ADCY4: variants seen among roughly 807,000 people sequenced by gnomAD.
ADCY4 encodes adenylate cyclase type 4.
A neutral mutation model predicts 125.5 loss-of-function variants in ADCY4; 111 were observed. The observed-to-expected ratio is 0.88, with a 90% confidence interval of 0.76 to 1.04. ADCY4 has a LOEUF of 1.04. Among genes scored for constraint, ADCY4 ranks in the 50% least tolerant of loss-of-function variants. The pLI, the probability that ADCY4 is intolerant of heterozygous loss-of-function variation, is 0.00. For synonymous variants in ADCY4, 576 were observed against 586.9 expected (o/e 0.98, Z 0.27); for missense variants, 1,256 against 1,382.9 (o/e 0.91, Z 1.46).
intron 10 of ADCY4, chr14:24,328,561 G>A (rs1475683913): frequency 6.3e-6 from 1 of 157,608 alleles, no homozygotes; most frequent in Non-Finnish European, 1.4e-5. Context: ...CCTGTCCAGT[G>A]GATATGTGAC....
chr14:24,318,581 G>A lies in ADCY4; in HGVS notation c.3082-13C>T, dbSNP rs1274581182. ...TCTCCTCAGTCACCTACAATTGGAG[G>A]GGGGCGAGGGAATATGGAGGTGGCC... On this transcript the variant is annotated splice_polypyrimidine_tract_variant and intron_variant, in intron 24 of 24. Transcript: ENST00000418030. 3.1e-6 allele frequency: 5 copies of A among 1,613,996 alleles called. No homozygotes were observed. The African/African-American group carries it at 5.3e-5, about 17-fold the overall frequency.
Position 24,329,481 on chromosome 14 carries a change from C to G in ADCY4, c.1270G>C (p.Val424Leu), listed in dbSNP as rs781415110. Reference sequence around the variant, plus strand: ...CGATGCTCCATGCCTGCGTCCTCCACAGCATAAGCCCCTGCCAGCAGGGCC... The same window carrying G: ...CGATGCTCCATGCCTGCGTCCTCCAGAGCATAAGCCCCTGCCAGCAGGGCC... ...TLALLAGAYA[V>L]EDAGMEHRDP... Residue 424 changes from valine to leucine, a missense_variant, in exon 9 of 25, where the codon GTG becomes CTG. Val to Leu is a conservative substitution (Grantham distance 32). Coordinates refer to ENST00000418030, the MANE Select transcript of ADCY4 (RefSeq NM_001198568.2). The G allele has an allele frequency of 6.4e-7, 1 of 1,573,640 alleles. No individual in the cohort carries two copies. Among genetic ancestry groups the G allele is most frequent in the South Asian group, 1.2e-5 (1 of 84,880 alleles).
chr14:24,324,233 G>A, intron 15 of ADCY4, 34 bp from the exon 16 acceptor site: 1 of 1,614,100 alleles, frequency 6.2e-7, no homozygotes, highest in South Asian at 1.1e-5. Context: ...TAGCCACGGG[G>A]CTGGGGCACC....
Position 24,331,214 on chromosome 14 carries a change from C to T in ADCY4, c.812G>A (p.Gly271Glu). 6.2e-7 allele frequency: 1 copy of T among 1,614,216 alleles called. No individual in the cohort carries two copies. Among genetic ancestry groups the T allele is most frequent in the Non-Finnish European group, 8.5e-7 (1 of 1,180,038 alleles). Residue 271 changes from glycine to glutamate, a missense_variant, in exon 5 of 25, where the codon GGA (glycine) becomes GAA (glutamate). Coordinates refer to ENST00000418030, the MANE Select transcript of ADCY4 (RefSeq NM_001198568.2). Reference protein sequence around the residue: ...FHSLYVKRHQGVSVLYADIVG... With the variant: ...FHSLYVKRHQEVSVLYADIVG... ...CAGCCATTCTTCCTCATACCTGACT[C>T]CCTGGTGCCTCTTGACATAGAGGCT...
intron 20 of ADCY4, among the ~76,000 whole-genome samples, chr14:24,321,068 G>T (rs56828007): frequency 0.034 from 5,131 of 149,398 alleles, 283 homozygotes; most frequent in African/African-American, 0.12. Flanking sequence ...TAGTTATTAG[G>T]TTGGTGCAAA....
chr14:24,323,131 G>A (rs1342639256), intron 17 of ADCY4, 43 bp from the exon 18 acceptor site: 2 of 1,597,086 alleles, frequency 1.3e-6, no homozygotes, highest in East Asian at 4.5e-5. Context: ...TGTCCCATAG[G>A]CAGAGGGGGG....
chr14:24,334,724 C>G lies in ADCY4; in HGVS notation c.-72G>C. 7.8e-7 allele frequency: 1 copy of G among 1,280,266 alleles called. No individual in the cohort carries two copies. Among genetic ancestry groups the G allele is most frequent in the Non-Finnish European group, 1.0e-6 (1 of 958,140 alleles). The allele number at this position is 1,280,266 out of a possible 1,614,324, so 79.3% of individuals were successfully genotyped here. A position where few individuals can be genotyped will look rare whatever the true frequency, so the allele number is the denominator to read the frequency against. ...GGTTACCTCCTTCGGCCCGGCGGGCCCCACCTGAGCTTTTCTCACCCGCTC... is the reference window on the plus strand; with the variant it reads ...GGTTACCTCCTTCGGCCCGGCGGGCGCCACCTGAGCTTTTCTCACCCGCTC... On this transcript the variant is annotated 5_prime_UTR_variant, in exon 1 of 25. Coordinates refer to ENST00000418030, the MANE Select transcript of ADCY4 (RefSeq NM_001198568.2).
chr14:24,330,004 G>A lies in ADCY4; in HGVS notation c.1073C>T (p.Ala358Val), dbSNP rs756187139. The A allele has an allele frequency of 1.2e-6, 2 of 1,613,728 alleles. No homozygotes were observed. Among genetic ancestry groups the A allele is most frequent in the Admixed American group, 1.7e-5 (1 of 60,022 alleles). The change falls in exon 8 of 25, where the codon GCC becomes GTC. Residue 358 changes from alanine to valine, a missense_variant. Coordinates refer to ENST00000418030, the MANE Select transcript of ADCY4 (RefSeq NM_001198568.2). ...ACGCATGTTGATGTCCACGCCAGTGGCTGCCCGCAGTTTCCTGAGCAGTGT... is the reference window on the plus strand; with the variant it reads ...ACGCATGTTGATGTCCACGCCAGTGACTGCCCGCAGTTTCCTGAGCAGTGT... The part of the protein sequence containing the change: ...MCRAIRKLRA[A>V]TGVDINMRVG...
chr14:24,325,743 C>T, intron 13 of ADCY4, 75 bp downstream of exon 13: 4 of 1,518,782 alleles, frequency 2.6e-6, no homozygotes, highest in Non-Finnish European at 3.6e-6. Context: ...GGAGGAGACC[C>T]AAGGGCTGAC....
rs199898653 is a variant in ADCY4 at position 24,321,248 on chromosome 14, TAAA to T, written c.2586+815_2586+817del. On this transcript the variant is annotated intron_variant, in intron 20 of 24. Coordinates refer to ENST00000418030, the MANE Select transcript of ADCY4 (RefSeq NM_001198568.2). ...CAACATGGTGAAACCCTGTCTCTACTAAAAAAAAAAAATATAAAAAAAATTAGC... is the reference window on the plus strand; with the variant it reads ...CAACATGGTGAAACCCTGTCTCTACTAAAAAAAAATATAAAAAAAATTAGC... 3.9e-4 allele frequency among the ~76,000 whole-genome samples: 26 copies of T among 66,238 alleles called. 1 individual carries two copies. Among genetic ancestry groups the T allele is most frequent in the African/African-American group, 1.1e-3 (24 of 22,516 alleles). 43.5% of individuals were successfully genotyped at this position (66,238 alleles called of 152,430 possible).
Position 24,326,112 on chromosome 14 carries a change from A to C in ADCY4, c.1622T>G (p.Phe541Cys). 1.3e-6 allele frequency: 2 copies of C among 1,587,792 alleles called. No individual in the cohort carries two copies. Among genetic ancestry groups the C allele is most frequent in the Non-Finnish European group, 1.7e-6 (2 of 1,164,772 alleles). Reference protein sequence around the residue: ...DDELDTGDAKFFQVIEQLNSQ... With the variant: ...DDELDTGDAKCFQVIEQLNSQ... ...GTTGAGCTGCTCAATGACCTGGAAG[A>C]ACTTGGCATCCCCGGTGTCCAGTTC... The change falls in exon 12 of 25, where the codon TTC becomes TGC. Residue 541 changes from phenylalanine to cysteine, a missense_variant. Transcript: ENST00000418030.
At chr14:24,324,223 T>C (rs2041902730) in intron 15 of ADCY4, 24 bp from the exon 16 acceptor site, 2 of 1,614,016 alleles carry the variant, frequency 1.2e-6, no homozygotes, top group Non-Finnish European at 1.7e-6. Context: ...ATGGGCATCT[T>C]AGCCACGGGG....
Position 24,329,080 on chromosome 14 carries a change from G to T in ADCY4, c.1505C>A (p.Ser502Tyr), listed in dbSNP as rs982772426. The change falls in exon 10 of 25, where the codon TCC becomes TAC. Residue 502 changes from serine to tyrosine, a missense_variant. Transcript: ENST00000418030. ...AHLSHGDSPV[S>Y]TSTPLPEKTL... is the part of the protein sequence containing the mutation. ...ACATACCGGGAGAGGGGTGGAGGTGGACACAGGGCTGTCTCCGTGGCTCAG... is the reference window on the plus strand; with the variant it reads ...ACATACCGGGAGAGGGGTGGAGGTGTACACAGGGCTGTCTCCGTGGCTCAG... 1.2e-6 allele frequency: 2 copies of T among 1,613,628 alleles called. No individual in the cohort carries two copies. The highest frequency in any genetic ancestry group is 2.7e-5 in the African/African-American group (2 of 74,888).
Position 24,322,673 on chromosome 14 carries a change from G to T in ADCY4, c.2378C>A (p.Ala793Asp). The T allele has an allele frequency of 6.2e-7, 1 of 1,614,132 alleles. No homozygotes were observed. The highest frequency in any genetic ancestry group is 1.3e-5 in the African/African-American group (1 of 75,034). Reference sequence around the variant, plus strand: ...GAAGAAGAAGATGAAGAAGGAGATAGCACCCATCAGTTTGGGCTCCTTCAG... The same window carrying T: ...GAAGAAGAAGATGAAGAAGGAGATATCACCCATCAGTTTGGGCTCCTTCAG... Reference protein sequence around the residue: ...GVLKEPKLMGAISFFIFFFTL... With the variant: ...GVLKEPKLMGDISFFIFFFTL... The change falls in exon 19 of 25, where the codon GCT (alanine) becomes GAT (aspartate). Residue 793 changes from alanine to aspartate, a missense_variant. Ala to Asp is a moderately radical substitution (Grantham distance 126). Transcript: ENST00000418030.
intron 4 of ADCY4, 179 bp downstream of exon 4, chr14:24,331,609 G>T: frequency 9.4e-7 from 1 of 1,063,610 alleles, no homozygotes; most frequent in Non-Finnish European, 1.3e-6. Flanking sequence ...CTTTTTATAA[G>T]CTTTGGTTTG....
In ADCY4 at chr14:24,322,127, A is replaced by G. The variant is rs754873792; in HGVS notation, c.2525T>C (p.Leu842Ser). The change falls in exon 20 of 25, where the codon TTG becomes TCG. Residue 842 changes from leucine (L) to serine (S), a missense_variant. By Grantham distance (145) the Leu-to-Ser change is moderately radical. Coordinates refer to ENST00000418030, the MANE Select transcript of ADCY4 (RefSeq NM_001198568.2). ...CACGTGTGCAGGGAGCACGTTCTCC[A>G]AGAGCAGCCGAGTCAGGTTCTCCAT... ...ETMENLTRLL[L>S]ENVLPAHVAP... is the part of the protein sequence containing the mutation. 6.2e-7 allele frequency: 1 copy of G among 1,614,038 alleles called. No individual in the cohort carries two copies. The highest frequency in any genetic ancestry group is 1.3e-5 in the African/African-American group (1 of 74,916).
rs1241101951 is a variant in ADCY4 at position 24,332,781 on chromosome 14, C to G, written c.357+10G>C. The G allele has an allele frequency of 1.9e-6, 3 of 1,540,432 alleles. No homozygotes were observed. Among genetic ancestry groups the G allele is most frequent in the Non-Finnish European group, 2.6e-6 (3 of 1,138,666 alleles). ...GCCGTCCCCGCTGCCCCGCCTGCCG[C>G]CCCTCTCACCTGGTCCCAGGCGCTC... On this transcript the variant is annotated intron_variant, in intron 2 of 24. Transcript: ENST00000418030.
chr14:24,323,282 C>T (rs1432056899), intron 17 of ADCY4, 62 bp downstream of exon 17: 2 of 1,478,992 alleles, frequency 1.4e-6, no homozygotes, highest in Non-Finnish European at 9.2e-7. Context: ...ACTCAGGGGG[C>T]TGTGGGCTTG....
chr14:24,327,546 C>T (rs912024326), intron 10 of ADCY4, among the ~76,000 whole-genome samples: 5 of 152,214 alleles, frequency 3.3e-5, no homozygotes, highest in Admixed American at 2.0e-4. Context: ...TCTCCCCTAC[C>T]TCATGTTAAC....
Sources: gnomAD v4.1 joint callset for allele counts (sites outside exome capture counted in the v4.1 genomes callset) on GRCh38, gnomAD v4.1.1 for gene constraint, MANE v1.5 for transcripts, NCBI Gene and HGNC (gene_info 2026-07-23, HGNC 2026-07-21) for gene names.